The following B3GALNT2 variants were observed in gnomAD, a reference collection of about 807,000 sequenced individuals.
The protein encoded by B3GALNT2 is UDP-GalNAc:beta-1,3-N-acetylgalactosaminyltransferase 2.
A neutral mutation model predicts 61.1 loss-of-function variants in B3GALNT2; 53 were observed. The observed-to-expected ratio is 0.87, with a 90% CI of 0.70 to 1.09. The LOEUF is 1.09. Ranked by LOEUF, B3GALNT2 falls within the 50% of genes least tolerant of loss-of-function variation. The pLI, the probability that B3GALNT2 is intolerant of heterozygous loss-of-function variation, is 0.00. For missense variants in B3GALNT2, 544 were observed against 623.0 expected, an observed-to-expected ratio of 0.87 and a Z score of 1.35; for synonymous variants, 223 against 237.4, an observed-to-expected ratio of 0.94 and a Z score of 0.56.
chr1:235,474,967 ATATATATATATATATATATATTTTT>A (rs1475643149), intron 5 of B3GALNT2, among the ~76,000 whole-genome samples: 5 of 25,428 alleles, frequency 2.0e-4, no homozygotes, highest in South Asian at 1.3e-3. Context: ...ATATATATAT[ATATATATATATATATATATATTTTT>A]TTTTTTTTTT....
chr1:235,439,946 C>T, the B3GALNT2 span, among the ~76,000 whole-genome samples: 3 of 152,014 alleles, frequency 2.0e-5, no homozygotes, highest in East Asian at 1.9e-4. Context: ...GGACTACAGG[C>T]GCACACCACC....
intron 1 of B3GALNT2, among the ~76,000 whole-genome samples, chr1:235,501,365 T>C (rs778026725): frequency 4.6e-5 from 7 of 152,240 alleles, no homozygotes; most frequent in Admixed American, 2.0e-4. Flanking sequence ...GTGACTCACT[T>C]ACTTCATTCT....
intron 6 of B3GALNT2, among the ~76,000 whole-genome samples, chr1:235,468,681 G>A (rs1324086480): frequency 6.6e-6 from 1 of 151,780 alleles, no homozygotes; most frequent in Non-Finnish European, 1.5e-5. Context: ...TTGATCTCTT[G>A]ACCTCGTGAT....
chr1:235,503,542 C>G (rs1033204844), intron 1 of B3GALNT2, among the ~76,000 whole-genome samples: 3 of 152,262 alleles, frequency 2.0e-5, no homozygotes, highest in African/African-American at 7.2e-5. Flanking sequence ...CTCACAGGAA[C>G]AACTCCAACT....
intron 5 of B3GALNT2, among the ~76,000 whole-genome samples, chr1:235,471,929 C>G (rs1333069977): frequency 6.6e-6 from 1 of 151,326 alleles, no homozygotes; most frequent in Non-Finnish European, 1.5e-5. Flanking sequence ...TCCCAAAGTG[C>G]TGGGATTACA....
intron 5 of B3GALNT2, among the ~76,000 whole-genome samples, chr1:235,473,727 T>G (rs1684113218): frequency 6.6e-6 from 1 of 152,104 alleles, no homozygotes; most frequent in Admixed American, 6.5e-5. Flanking sequence ...AGGTAGCAAA[T>G]CCTAATGATT....
chr1:235,442,576 T>C (rs1298761240), downstream of B3GALNT2, among the ~76,000 whole-genome samples: 1 of 152,244 alleles, frequency 6.6e-6, no homozygotes, highest in Non-Finnish European at 1.5e-5. Context: ...ATTGGAGTTG[T>C]GAACCAAATT....
At chr1:235,469,614 A>G (rs941828939) in intron 6 of B3GALNT2, among the ~76,000 whole-genome samples, 14 of 150,962 alleles carry the variant, frequency 9.3e-5, no homozygotes, top group African/African-American at 2.9e-4. Context: ...GTGCAGTGGC[A>G]TGATCCTGGC....
At position 235,476,063 on chromosome 1, in the gene B3GALNT2, G is replaced by T. The variant is rs148534169; in HGVS notation, c.651+3991C>A. 2.6e-4 allele frequency among the ~76,000 whole-genome samples: 40 copies of T among 152,260 alleles called. No individual in the cohort carries two copies. In the East Asian group the frequency reaches 7.7e-3, roughly 29 times the overall value. Reference sequence around the variant, plus strand: ...TAAAATCAAGTCTATTTAGCCTAAAGCCTGAAGGGAGATAAAAAGCACAAG... The same window carrying T: ...TAAAATCAAGTCTATTTAGCCTAAATCCTGAAGGGAGATAAAAAGCACAAG... On this transcript the variant is annotated intron_variant, in intron 5 of 11. Transcript: ENST00000366600.
intron 1 of B3GALNT2, chr1:235,496,168 G>A (rs12026526): frequency 0.18 from 30,464 of 167,814 alleles, 3,616 homozygotes; most frequent in East Asian, 0.52. Flanking sequence ...AAAATTAGCC[G>A]GGTGTGGTGG....
intron 5 of B3GALNT2, among the ~76,000 whole-genome samples, chr1:235,472,282 G>C (rs918322867): frequency 1.3e-5 from 2 of 151,994 alleles, no homozygotes; most frequent in African/African-American, 4.8e-5. Flanking sequence ...TCTGAGCTGA[G>C]AGAGCTATGC....
chr1:235,440,024 GCA>G, the B3GALNT2 span, among the ~76,000 whole-genome samples: 1 of 151,888 alleles, frequency 6.6e-6, no homozygotes, highest in Non-Finnish European at 1.5e-5. Flanking sequence ...AGGCTGGAGT[GCA>G]GTGCCGCGAT....
chr1:235,485,711 T>C (rs932745550), intron 3 of B3GALNT2, among the ~76,000 whole-genome samples: 1 of 152,256 alleles, frequency 6.6e-6, no homozygotes, highest in African/African-American at 2.4e-5. Context: ...TAAAAGATTA[T>C]ATCAAAGTTC....
downstream of B3GALNT2, among the ~76,000 whole-genome samples, chr1:235,446,349 G>C (rs576262899): frequency 5.3e-5 from 8 of 152,068 alleles, no homozygotes; most frequent in South Asian, 1.7e-3. Flanking sequence ...GCTAATTTTT[G>C]TATTTTTAGT....
rs534721806 is a variant in B3GALNT2, at chr1:235,452,801, A to G, written c.1368+289T>C. ...ACTCCTGGGCTCAAGTGATACACCC[A>G]CCTTGGCCTCCCAAAGTGTTGGGAT... On this transcript the variant is annotated intron_variant, in intron 11 of 11. Transcript: ENST00000366600. 3.3e-5 allele frequency among the ~76,000 whole-genome samples: 5 copies of G among 152,234 alleles called. No homozygotes were observed. In the South Asian group the frequency reaches 1.0e-3, roughly 32 times the overall value.
chr1:235,449,035 A>C lies in B3GALNT2; in HGVS notation c.*1171T>G. 2.8e-6 allele frequency: 1 copy of C among 358,882 alleles called. No homozygotes were observed. Among genetic ancestry groups the C allele is most frequent in the South Asian group, 2.5e-5 (1 of 40,180 alleles). The allele number at this position is 358,882 out of a possible 1,614,324, so 22.2% of individuals were successfully genotyped here. A position where few individuals can be genotyped will look rare whatever the true frequency, so the allele number is the denominator to read the frequency against. On this transcript the variant is annotated 3_prime_UTR_variant, in exon 12 of 12. Transcript: ENST00000366600. The stretch of plus-strand genomic sequence containing the variant: ...CACTGCATTTCATGATAAGATTTAA[A>C]TATTAAATAGAAAGAAACTAGCTAG...
At chr1:235,491,589 A>G (rs576518902) in intron 2 of B3GALNT2, among the ~76,000 whole-genome samples, 88 of 152,152 alleles carry the variant, frequency 5.8e-4, no homozygotes, top group African/African-American at 2.1e-3. Context: ...GTTTTGATTG[A>G]TGATTCCACT....
chr1:235,474,987 A>ATTT lies in B3GALNT2; in HGVS notation c.652-4030_652-4028dup, dbSNP rs1160445883. On this transcript the variant is annotated intron_variant, in intron 5 of 11. Transcript: ENST00000366600. ...TATATATATATATATATATATATAT[A>ATTT]TTTTTTTTTTTTTTTTTTTTTTTGA... 1.5e-3 allele frequency among the ~76,000 whole-genome samples: 55 copies of ATTT among 35,586 alleles called. 4 individuals are homozygous for ATTT. Among genetic ancestry groups the ATTT allele is most frequent in the Non-Finnish European group, 2.3e-3 (47 of 20,598 alleles). The allele number at this position is 35,586 out of a possible 152,430, so 23.3% of individuals were successfully genotyped here.
At chr1:235,441,697 T>A in the B3GALNT2 span, 1 of 899,808 alleles carries the variant, frequency 1.1e-6, no homozygotes, top group East Asian at 2.6e-5. Flanking sequence ...GCTCCATGTG[T>A]CCTGGGAAAG....
Sources: allele counts gnomAD v4.1 joint callset (sites outside exome capture counted in the v4.1 genomes callset), GRCh38; gene constraint gnomAD v4.1.1; transcripts MANE v1.5; gene names NCBI Gene and HGNC (gene_info 2026-07-23, HGNC 2026-07-21).